The following CRACR2A variants were observed in gnomAD, a reference collection of about 807,000 sequenced individuals.
The protein encoded by CRACR2A is EF-hand calcium-binding domain-containing protein 4B.
Under a neutral mutation model 90.5 loss-of-function variants are expected in CRACR2A, and 79 were observed. The ratio of observed to expected loss-of-function variants is 0.87; its 90% CI spans 0.73 to 1.05. The LOEUF is 1.05. Among genes scored for constraint, CRACR2A ranks in the 50% least tolerant of loss-of-function variants. The pLI is 0.00. For synonymous variants in CRACR2A, 338 were observed against 356.7 expected (o/e 0.95, Z 0.59); for missense variants, 823 against 897.2 (o/e 0.92, Z 1.06).
At chr12:3,669,875 A>G (rs1026635022) in intron 7 of CRACR2A, among the ~76,000 whole-genome samples, 2 of 152,144 alleles carry the variant, frequency 1.3e-5, no homozygotes, top group African/African-American at 2.4e-5. Context: ...CCTAACCTGC[A>G]TAAGGCCAGA....
Position 3,615,753 on chromosome 12 carries a change from C to T in CRACR2A, c.2112-314G>A, listed in dbSNP as rs150270757. On this transcript the variant is annotated intron_variant, in intron 19 of 19. Coordinates refer to ENST00000440314, the MANE Select transcript of CRACR2A (RefSeq NM_001144958.2). ...CCCTTCCTCTGTCATGACCCCATCA[C>T]CCAGTGTCACAATGCGTGACTTCCC... Among the ~76,000 whole-genome samples, 4 of 152,346 alleles carry T rather than the reference C, an allele frequency of 2.6e-5. No homozygotes were observed. In the East Asian group the frequency reaches 7.7e-4, roughly 29 times the overall value.
In CRACR2A at chr12:3,643,885, TTA is replaced by T. The variant is rs1565471098; in HGVS notation, c.1164+708_1164+709del. On this transcript the variant is annotated intron_variant, in intron 12 of 19. Coordinates refer to ENST00000440314, the MANE Select transcript of CRACR2A (RefSeq NM_001144958.2). ...ATTATATATATTATATATATTTATA[TTA>T]ATATATAATATATATTATATATATT... Among the ~76,000 whole-genome samples the T allele has an allele frequency of 1.1e-4, 5 of 45,334 alleles. No homozygotes were observed. In the South Asian group the frequency reaches 5.0e-3, roughly 45 times the overall value. 29.7% of individuals were successfully genotyped at this position (45,334 alleles called of 152,430 possible). A position where few individuals can be genotyped will look rare whatever the true frequency, so the allele number is the denominator to read the frequency against.
At chr12:3,676,177 T>C (rs1399657370) in intron 6 of CRACR2A, among the ~76,000 whole-genome samples, 1 of 152,172 alleles carries the variant, frequency 6.6e-6, no homozygotes, top group Non-Finnish European at 1.5e-5. Flanking sequence ...GTTGTAAACC[T>C]TGCACTGTAC....
intron 3 of CRACR2A, among the ~76,000 whole-genome samples, chr12:3,708,427 T>C (rs1296208575): frequency 6.6e-6 from 1 of 152,184 alleles, no homozygotes; most frequent in African/African-American, 2.4e-5. Context: ...TTTCTTTTCT[T>C]TTCTTTTCTT....
At chr12:3,622,969 G>A (rs1443599829) in intron 17 of CRACR2A, among the ~76,000 whole-genome samples, 2 of 152,190 alleles carry the variant, frequency 1.3e-5, no homozygotes, top group African/African-American at 4.8e-5. Context: ...GACAAAGATC[G>A]CAGAATGAGG....
intron 3 of CRACR2A, among the ~76,000 whole-genome samples, chr12:3,697,716 G>T (rs902428171): frequency 1.3e-5 from 2 of 152,152 alleles, no homozygotes; most frequent in Non-Finnish European, 2.9e-5. Flanking sequence ...CATAGACCTC[G>T]GCCACAGCTG....
chr12:3,690,324 C>T (rs1363564552), intron 4 of CRACR2A, among the ~76,000 whole-genome samples: 1 of 152,036 alleles, frequency 6.6e-6, no homozygotes, highest in East Asian at 1.9e-4. Context: ...CTTAACACTG[C>T]CTTAGGTGTG....
intron 1 of CRACR2A, among the ~76,000 whole-genome samples, chr12:3,751,529 C>T (rs183213212): frequency 1.8e-4 from 28 of 152,216 alleles, no homozygotes; most frequent in African/African-American, 6.3e-4. Flanking sequence ...TGCCATCTCT[C>T]CCAGGCAGCA....
intron 14 of CRACR2A, among the ~76,000 whole-genome samples, chr12:3,634,627 G>A (rs1026786559): frequency 2.0e-5 from 3 of 152,208 alleles, no homozygotes; most frequent in Non-Finnish European, 2.9e-5. Context: ...TTGCCTTCAG[G>A]CCCAGCTCAG....
chr12:3,666,354 T>TGCGTGTGC (rs1945144914), intron 7 of CRACR2A, among the ~76,000 whole-genome samples: 2 of 144,966 alleles, frequency 1.4e-5, no homozygotes, highest in African/African-American at 2.8e-5. Context: ...TGTGTGTGTG[T>TGCGTGTGC]GCGTGCGTGT....
At chr12:3,724,570 T>C (rs1479287612) in intron 2 of CRACR2A, among the ~76,000 whole-genome samples, 1 of 152,166 alleles carries the variant, frequency 6.6e-6, no homozygotes, top group Non-Finnish European at 1.5e-5. Context: ...AATGGTCCCT[T>C]AGGAGAAGCT....
intron 2 of CRACR2A, 188 bp downstream of exon 2, chr12:3,732,754 C>A (rs1946381103): frequency 6.6e-6 from 1 of 152,234 alleles, no homozygotes; most frequent in Non-Finnish European, 1.5e-5. Flanking sequence ...ACATGAGATC[C>A]AGGTGGTTTG....
chr12:3,617,081 T>C (rs753638230), intron 18 of CRACR2A, 51 bp from the exon 19 acceptor site: 26 of 1,409,144 alleles, frequency 1.8e-5, no homozygotes, highest in Non-Finnish European at 2.6e-5. Context: ...GAGAGGGGAT[T>C]GTGGGGGGTG....
At chr12:3,739,194 G>A (rs1769394303) in intron 1 of CRACR2A, among the ~76,000 whole-genome samples, 1 of 152,202 alleles carries the variant, frequency 6.6e-6, no homozygotes. Flanking sequence ...TTCTCAGTGT[G>A]TTGTTGAAAA....
intron 4 of CRACR2A, among the ~76,000 whole-genome samples, chr12:3,692,477 T>TC: frequency 6.9e-6 from 1 of 144,754 alleles, no homozygotes; most frequent in Non-Finnish European, 1.5e-5. Context: ...TGGTTTTTTT[T>TC]CTCTGGCTCC....
intron 2 of CRACR2A, chr12:3,729,256 C>T (rs1249987542): frequency 6.6e-6 from 1 of 152,184 alleles, no homozygotes; most frequent in African/African-American, 2.4e-5. Flanking sequence ...AGTTATGAGA[C>T]CACAGACGCA....
chr12:3,707,931 T>C (rs1263914863), intron 3 of CRACR2A, among the ~76,000 whole-genome samples: 1 of 152,232 alleles, frequency 6.6e-6, no homozygotes, highest in Non-Finnish European at 1.5e-5. Context: ...ACTTTACAGG[T>C]AAGGAAGTTG....
chr12:3,704,019 T>A (rs1945876002), intron 3 of CRACR2A, among the ~76,000 whole-genome samples: 1 of 152,266 alleles, frequency 6.6e-6, no homozygotes, highest in Non-Finnish European at 1.5e-5. Context: ...ATTTGACAGT[T>A]TCTTAGAAAG....
chr12:3,748,359 T>C (rs1468122082), intron 1 of CRACR2A, among the ~76,000 whole-genome samples: 1 of 152,098 alleles, frequency 6.6e-6, no homozygotes, highest in African/African-American at 2.4e-5. Flanking sequence ...CCACCCACCA[T>C]AGAGCCTGCT....
Sources: gnomAD v4.1 joint callset for allele counts (sites outside exome capture counted in the v4.1 genomes callset) on GRCh38, gnomAD v4.1.1 for gene constraint, MANE v1.5 for transcripts, NCBI Gene and HGNC (gene_info 2026-07-23, HGNC 2026-07-21) for gene names.